Variants in GOLGA1 observed in about 807,000 individuals in gnomAD.
The protein encoded by GOLGA1 is golgin A1.
A neutral mutation model predicts 119.7 loss-of-function variants in GOLGA1; 63 were observed. That is an observed-to-expected ratio of 0.53 (90% CI 0.43 to 0.65). GOLGA1 has a LOEUF of 0.65. GOLGA1 is among the 30% of genes least tolerant of loss of function. GOLGA1 has a pLI of 0.00. For synonymous variants in GOLGA1, 318 were observed against 333.4 expected (o/e 0.95, Z 0.50); for missense variants, 798 against 912.8 (o/e 0.87, Z 1.62).
intron 3 of GOLGA1, among the ~76,000 whole-genome samples, chr9:124,937,009 G>C (rs149862575): frequency 1.1e-3 from 167 of 152,326 alleles, no homozygotes; most frequent in African/African-American, 3.8e-3. Flanking sequence ...AAATTGGGTA[G>C]AGGAAATTGG....
intron 19 of GOLGA1, among the ~76,000 whole-genome samples, chr9:124,885,313 A>G (rs548240799): frequency 5.2e-5 from 6 of 114,582 alleles, no homozygotes; most frequent in Admixed American, 3.6e-4. Flanking sequence ...GGCGACAGAG[A>G]CTCCATCTCA....
intron 15 of GOLGA1, among the ~76,000 whole-genome samples, chr9:124,894,756 G>T (rs1829926309): frequency 6.6e-6 from 1 of 152,150 alleles, no homozygotes; most frequent in African/African-American, 2.4e-5. Context: ...CAAGACATTT[G>T]GCAATGTCTG....
intron 12 of GOLGA1, among the ~76,000 whole-genome samples, chr9:124,905,861 G>A (rs888143132): frequency 1.3e-4 from 20 of 151,968 alleles, no homozygotes; most frequent in African/African-American, 3.9e-4. Context: ...GTGGTGGCTC[G>A]TGCCTGTAAT....
chr9:124,922,623 A>G (rs1472048650), intron 8 of GOLGA1, among the ~76,000 whole-genome samples: 1 of 151,850 alleles, frequency 6.6e-6, no homozygotes, highest in East Asian at 1.9e-4. Flanking sequence ...ATGGTGGCAC[A>G]CACCTACAGT....
intron 10 of GOLGA1, among the ~76,000 whole-genome samples, chr9:124,919,438 T>C (rs1308168863): frequency 6.6e-6 from 1 of 152,220 alleles, no homozygotes; most frequent in Non-Finnish European, 1.5e-5. Context: ...AAAGCCTGTA[T>C]CACAGTCATT....
intron 12 of GOLGA1, among the ~76,000 whole-genome samples, chr9:124,908,136 G>T (rs921180528): frequency 1.3e-5 from 2 of 152,158 alleles, no homozygotes; most frequent in East Asian, 3.8e-4. Context: ...GAACCACAAC[G>T]GAATGGTATC....
intron 13 of GOLGA1, 120 bp downstream of exon 13, chr9:124,900,332 T>C: frequency 1.6e-6 from 1 of 615,082 alleles, no homozygotes; most frequent in Non-Finnish European, 3.0e-6. Flanking sequence ...GCACAAGAAC[T>C]GTATCTATGG....
chr9:124,895,716 A>G (rs180876332), intron 15 of GOLGA1, among the ~76,000 whole-genome samples: 1 of 150,762 alleles, frequency 6.6e-6, no homozygotes, highest in African/African-American at 2.4e-5. Context: ...AGAACCCTCC[A>G]CAACACAGAA....
rs546472331 is a variant in GOLGA1 at position 124,902,769 on chromosome 9, A to T, written c.1066-2222T>A. On this transcript the variant is annotated intron_variant, in intron 12 of 22. Coordinates refer to ENST00000373555, the MANE Select transcript of GOLGA1 (RefSeq NM_002077.4). ...CTCCCAAAGTGCTGGGATTACAGGC[A>T]TGAGCCACCGTGTCCAGCCAAGGAG... Among the ~76,000 whole-genome samples, 4 of 152,316 alleles carry T rather than the reference A, an allele frequency of 2.6e-5. No individual in the cohort carries two copies. In the East Asian group the frequency reaches 7.7e-4, roughly 29 times the overall value.
chr9:124,895,553 C>A (rs908988459), intron 15 of GOLGA1, among the ~76,000 whole-genome samples: 6 of 149,604 alleles, frequency 4.0e-5, no homozygotes, highest in African/African-American at 1.5e-4. Flanking sequence ...GAACCATCCA[C>A]AACAGAGACC....
chr9:124,887,229 T>C (rs1829744184), intron 19 of GOLGA1, among the ~76,000 whole-genome samples: 1 of 152,162 alleles, frequency 6.6e-6, no homozygotes, highest in Admixed American at 6.5e-5. Flanking sequence ...AACGGGAAAT[T>C]TGCAAACAGG....
chr9:124,909,930 AATTTATTT>A lies in GOLGA1; in HGVS notation c.970-1466_970-1459del, dbSNP rs532963662. On this transcript the variant is annotated intron_variant, in intron 11 of 22. Coordinates refer to ENST00000373555, the MANE Select transcript of GOLGA1 (RefSeq NM_002077.4). Reference sequence around the variant, plus strand: ...CAGGCACCCGCCACCATGCCCAGCTAATTTATTTATTTATTTATTTTTTTGAGACAGAG... The same window carrying A: ...CAGGCACCCGCCACCATGCCCAGCTAATTTATTTATTTTTTTGAGACAGAG... 1.1e-4 allele frequency among the ~76,000 whole-genome samples: 17 copies of A among 151,714 alleles called. No individual in the cohort carries two copies. The East Asian group carries it at 3.3e-3, about 30-fold the overall frequency.
At chr9:124,904,926 AGAG>A (rs1250595162) in intron 12 of GOLGA1, among the ~76,000 whole-genome samples, 2 of 147,588 alleles carry the variant, frequency 1.4e-5, no homozygotes, top group African/African-American at 5.0e-5. Context: ...CCCAGGCTAC[AGAG>A]CCAGACTCTG....
chr9:124,931,859 A>G (rs1454515132), intron 3 of GOLGA1, among the ~76,000 whole-genome samples: 1 of 152,224 alleles, frequency 6.6e-6, no homozygotes, highest in African/African-American at 2.4e-5. Flanking sequence ...ACGGATATCA[A>G]TCTAAAACTC....
chr9:124,921,855 T>C lies in GOLGA1; in HGVS notation c.599A>G (p.Gln200Arg), dbSNP rs144805268. The C allele has an allele frequency of 6.2e-7, 1 of 1,613,866 alleles. No homozygotes were observed. Among genetic ancestry groups the C allele is most frequent in the Non-Finnish European group, 8.5e-7 (1 of 1,179,822 alleles). Residue 200 changes from glutamine (Q) to arginine (R), a missense_variant, in exon 9 of 23, where the codon CAA becomes CGA. Physicochemically the swap from Gln to Arg is conservative, Grantham distance 43. Transcript: ENST00000373555. ...KKEESLGKMEQELEARTRELS... is the reference protein window; with the variant it reads ...KKEESLGKMERELEARTRELS... ...TTCTCTGGTTCGTGCCTCCAATTCT[T>C]GTTCCATTTTCCCTAGACTTTCTTC...
In GOLGA1 at chr9:124,908,479, G is replaced by A; in HGVS notation, c.970-7C>T. The A allele has an allele frequency of 4.8e-6, 7 of 1,448,872 alleles. No homozygotes were observed. The highest frequency in any genetic ancestry group is 6.8e-6 in the Non-Finnish European group (7 of 1,028,888). The allele number at this position is 1,448,872 out of a possible 1,614,324, so 89.8% of individuals were successfully genotyped here. On this transcript the variant is annotated splice_region_variant and splice_polypyrimidine_tract_variant and intron_variant, in intron 11 of 22. Transcript: ENST00000373555. ...TCTGCTCAGCAAGTGTTTTCTGTAA[G>A]TTGAAAGAAGAGTAAAAGAAGACTA...
intron 20 of GOLGA1, among the ~76,000 whole-genome samples, 174 bp downstream of exon 20, chr9:124,882,336 G>A (rs180773593): frequency 2.3e-3 from 348 of 152,330 alleles, no homozygotes; most frequent in Non-Finnish European, 3.7e-3. Flanking sequence ...CTTCAGAGGT[G>A]CATGCAGGCT....
Position 124,881,263 on chromosome 9 carries a change from A to C in GOLGA1, c.2137-6T>G. ...GCTTTTATAAGATGAAAAGCCTGAAACACAGTAAGTTTTGCTGCCATAGGC... is the reference window on the plus strand; with the variant it reads ...GCTTTTATAAGATGAAAAGCCTGAACCACAGTAAGTTTTGCTGCCATAGGC... On this transcript the variant is annotated splice_polypyrimidine_tract_variant and splice_region_variant and intron_variant, in intron 21 of 22. Coordinates refer to ENST00000373555, the MANE Select transcript of GOLGA1 (RefSeq NM_002077.4). This position sits in a 1 kb window ranked among gnomAD's most constrained non-coding sequence, Gnocchi z 4.9. 1 of 1,580,960 alleles carries C rather than the reference A, an allele frequency of 6.3e-7. No homozygotes were observed. Among genetic ancestry groups the C allele is most frequent in the Non-Finnish European group, 8.7e-7 (1 of 1,149,662 alleles).
At chr9:124,917,403 A>G (rs1424916450) in intron 10 of GOLGA1, among the ~76,000 whole-genome samples, 1 of 152,212 alleles carries the variant, frequency 6.6e-6, no homozygotes, top group Non-Finnish European at 1.5e-5. Context: ...ACACAATACC[A>G]GCCCTTCTTT....
Sources: gnomAD v4.1 joint callset for allele counts (sites outside exome capture counted in the v4.1 genomes callset) on GRCh38, gnomAD v4.1.1 for gene constraint, Gnocchi (gnomAD v3.1) non-coding constraint, MANE v1.5 for transcripts, NCBI Gene and HGNC (gene_info 2026-07-23, HGNC 2026-07-21) for gene names.